ARL13B: variants seen among roughly 807,000 people sequenced by gnomAD.
ARL13B encodes ADP-ribosylation factor-like protein 13B.
A neutral mutation model predicts 56.1 loss-of-function variants in ARL13B; 36 were observed. The ratio of observed to expected loss-of-function variants is 0.64; its 90% CI spans 0.49 to 0.85. ARL13B has a LOEUF of 0.85. ARL13B is among the 40% of genes least tolerant of loss of function. The probability of loss-of-function intolerance (pLI) is 0.00; values close to 1 mark genes in which losing one functional copy is unlikely to be tolerated. For synonymous variants in ARL13B, 178 were observed against 171.1 expected, an observed-to-expected ratio of 1.04 and a Z score of -0.32; for missense variants, 519 against 507.1, an observed-to-expected ratio of 1.02 and a Z score of -0.23.
intron 3 of ARL13B, among the ~76,000 whole-genome samples, chr3:94,010,319 A>AT (rs2076202742): frequency 1.3e-5 from 2 of 152,240 alleles, no homozygotes; most frequent in Non-Finnish European, 2.9e-5. Flanking sequence ...GTGGATGTGA[A>AT]TATCATTATT....
intron 1 of ARL13B, among the ~76,000 whole-genome samples, chr3:93,981,881 A>G (rs901846636): frequency 2.6e-5 from 4 of 150,960 alleles, no homozygotes; most frequent in Admixed American, 6.6e-5. Context: ...AAAAAAAAAA[A>G]AAAAAAAAGA....
intron 5 of ARL13B, among the ~76,000 whole-genome samples, chr3:94,037,997 G>A (rs1201646156): frequency 2.0e-5 from 3 of 152,062 alleles, no homozygotes; most frequent in Admixed American, 2.0e-4. Flanking sequence ...ATAATTAAAA[G>A]CAAATTGACA....
intron 1 of ARL13B, among the ~76,000 whole-genome samples, chr3:93,986,701 G>T (rs1710479556): frequency 6.6e-6 from 1 of 152,128 alleles, no homozygotes; most frequent in African/African-American, 2.4e-5. Context: ...AGGCATGATG[G>T]CTCGCACCTG....
intron 3 of ARL13B, among the ~76,000 whole-genome samples, chr3:94,022,586 C>A (rs1251864266): frequency 6.6e-6 from 1 of 151,852 alleles, no homozygotes; most frequent in Non-Finnish European, 1.5e-5. Flanking sequence ...TGTGACTACC[C>A]AAATATTATT....
intron 3 of ARL13B, chr3:94,015,341 C>T: frequency 7.7e-7 from 1 of 1,306,734 alleles, no homozygotes; most frequent in Non-Finnish European, 1.0e-6. Context: ...TCCCCAGTAG[C>T]AGTTGACTTC....
chr3:94,014,744 C>T, intron 3 of ARL13B: 1 of 1,613,174 alleles, frequency 6.2e-7, no homozygotes, highest in South Asian at 1.1e-5. Context: ...TCAGACATCT[C>T]TTTTCCAGCA....
At chr3:94,038,409 T>C (rs1199041796) in intron 5 of ARL13B, among the ~76,000 whole-genome samples, 1 of 151,634 alleles carries the variant, frequency 6.6e-6, no homozygotes, top group Non-Finnish European at 1.5e-5. Flanking sequence ...AGCTAGTAAA[T>C]ATTATGGTAA....
At chr3:94,003,477 G>T (rs1400000853) in intron 2 of ARL13B, among the ~76,000 whole-genome samples, 182 bp from the exon 3 acceptor site, 3 of 152,170 alleles carry the variant, frequency 2.0e-5, no homozygotes, top group Non-Finnish European at 2.9e-5. Flanking sequence ...ATTCCTATCT[G>T]CATGGAGTAA....
At chr3:93,987,280 A>G (rs543632529) in intron 1 of ARL13B, among the ~76,000 whole-genome samples, 2 of 152,094 alleles carry the variant, frequency 1.3e-5, no homozygotes, top group Non-Finnish European at 2.9e-5. Context: ...GGCATAAGCC[A>G]TTGTGCCTGA....
intron 1 of ARL13B, among the ~76,000 whole-genome samples, chr3:93,991,915 T>C (rs2075883934): frequency 6.6e-6 from 1 of 152,226 alleles, no homozygotes; most frequent in African/African-American, 2.4e-5. Flanking sequence ...AACATTTAAT[T>C]AAAGCCTTTT....
In ARL13B at chr3:94,043,062, A is replaced by G. The variant is rs769736361; in HGVS notation, c.846A>G (p.Lys282=). The G allele has an allele frequency of 3.1e-6, 5 of 1,612,910 alleles. No homozygotes were observed. In the East Asian group the frequency reaches 1.1e-4, roughly 36 times the overall value. ...AGAAAAAAAACCAAAAAATGGAGAA[A>G]GACAGTGATGGCTGCCACCTGAAAC... ...EREKKNQKME[K]DSDGCHLKHK... Residue 282 remains lysine (K), a synonymous_variant, in exon 7 of 10, where the codon AAA becomes AAG. Transcript: ENST00000394222.
At chr3:93,985,146 T>C (rs1290146721) in intron 1 of ARL13B, among the ~76,000 whole-genome samples, 4 of 152,246 alleles carry the variant, frequency 2.6e-5, no homozygotes, top group African/African-American at 7.2e-5. Context: ...TCTTGTAGTT[T>C]TATATTTTCA....
intron 3 of ARL13B, among the ~76,000 whole-genome samples, chr3:94,021,112 A>G (rs1388470344): frequency 2.6e-5 from 4 of 151,678 alleles, no homozygotes; most frequent in African/African-American, 9.7e-5. Flanking sequence ...GGAATATTAG[A>G]CGATACTATA....
intron 3 of ARL13B, among the ~76,000 whole-genome samples, chr3:94,031,361 A>G (rs1028884815): frequency 1.3e-4 from 20 of 152,124 alleles, no homozygotes; most frequent in Admixed American, 1.3e-3. Context: ...GTCAATAGCA[A>G]ATGTTTATCT....
Position 94,054,339 on chromosome 3 carries a change from T to C in ARL13B, c.*1076T>C, listed in dbSNP as rs746902994. Reference sequence around the variant, plus strand: ...AAAATTACTTTTATAAATAAATAATTCCAAAATAATTTCTTAATTTAAAAT... The same window carrying C: ...AAAATTACTTTTATAAATAAATAATCCCAAAATAATTTCTTAATTTAAAAT... On this transcript the variant is annotated 3_prime_UTR_variant, in exon 10 of 10. Coordinates refer to ENST00000394222, the MANE Select transcript of ARL13B (RefSeq NM_001174150.2). 2 of 428,436 alleles carry C rather than the reference T, an allele frequency of 4.7e-6. No individual in the cohort carries two copies. Among genetic ancestry groups the C allele is most frequent in the South Asian group, 3.5e-5 (2 of 57,356 alleles). 26.5% of individuals were successfully genotyped at this position (428,436 alleles called of 1,614,324 possible). A position where few individuals can be genotyped will look rare whatever the true frequency, so the allele number is the denominator to read the frequency against.
intron 1 of ARL13B, among the ~76,000 whole-genome samples, chr3:93,982,565 CTTTTT>C (rs769421239): frequency 1.3e-5 from 2 of 151,966 alleles, no homozygotes; most frequent in Admixed American, 6.6e-5. Context: ...TTAGAATTAA[CTTTTT>C]TTTACTTTTT....
At chr3:94,030,886 A>G (rs531136043) in intron 3 of ARL13B, among the ~76,000 whole-genome samples, 1 of 152,336 alleles carries the variant, frequency 6.6e-6, no homozygotes, top group Non-Finnish European at 1.5e-5. Flanking sequence ...AGATACAAAT[A>G]AGATCTAAGG....
At chr3:94,034,591 G>T (rs2076735090) in intron 3 of ARL13B, among the ~76,000 whole-genome samples, 1 of 151,516 alleles carries the variant, frequency 6.6e-6, no homozygotes, top group Non-Finnish European at 1.5e-5. Context: ...CATTTATGTG[G>T]ACACATTCAC....
At chr3:94,050,942 AC>A in intron 9 of ARL13B, 50 bp downstream of exon 9, 2 of 1,542,534 alleles carry the variant, frequency 1.3e-6, no homozygotes, top group Non-Finnish European at 1.8e-6. Context: ...TGTCACATTC[AC>A]TTTTCTTTAG....
Sources: gnomAD v4.1 joint callset for allele counts (sites outside exome capture counted in the v4.1 genomes callset) on GRCh38, gnomAD v4.1.1 for gene constraint, MANE v1.5 for transcripts, NCBI Gene and HGNC (gene_info 2026-07-23, HGNC 2026-07-21) for gene names.